Variants in ROR1 observed in about 807,000 individuals in gnomAD.
ROR1 encodes ROR family WNT receptor 1.
A neutral mutation model predicts 78.8 loss-of-function variants in ROR1; 19 were observed. That is an observed-to-expected ratio of 0.24 (90% CI 0.17 to 0.35). The LOEUF is 0.35. ROR1 is among the 10% of genes least tolerant of loss of function. The pLI is 1.00. For synonymous variants in ROR1, 386 were observed against 433.6 expected (o/e 0.89, Z 1.36); for missense variants, 917 against 1,177.8 (o/e 0.78, Z 3.24).
chr1:63,900,806 T>TA (rs891162727), intron 1 of ROR1, among the ~76,000 whole-genome samples: 29 of 152,176 alleles, frequency 1.9e-4, no homozygotes, highest in African/African-American at 3.6e-4. Flanking sequence ...AAATGTAATT[T>TA]AAAAAAAATC....
chr1:63,816,989 G>C (rs907191033), intron 1 of ROR1, among the ~76,000 whole-genome samples: 1 of 152,322 alleles, frequency 6.6e-6, no homozygotes, highest in South Asian at 2.1e-4. Context: ...GATAGGCATC[G>C]TTCCTGACCT....
At chr1:64,130,037 GA>G (rs149014368) in intron 4 of ROR1, among the ~76,000 whole-genome samples, 1 of 152,136 alleles carries the variant, frequency 6.6e-6, no homozygotes, top group Non-Finnish European at 1.5e-5. Context: ...ATTTTTTAAA[GA>G]AAAAAAGGTG....
intron 1 of ROR1, among the ~76,000 whole-genome samples, chr1:63,828,919 T>G (rs1292290143): frequency 6.6e-6 from 1 of 152,354 alleles, no homozygotes; most frequent in South Asian, 2.1e-4. Context: ...TTGTTCAGAT[T>G]ATACCATCTC....
chr1:64,132,516 T>C (rs1648948832), intron 4 of ROR1, among the ~76,000 whole-genome samples: 1 of 151,972 alleles, frequency 6.6e-6, no homozygotes, highest in South Asian at 2.1e-4. Context: ...TCCTAGCACT[T>C]TGGGAAGCCA....
intron 1 of ROR1, among the ~76,000 whole-genome samples, chr1:63,934,709 A>G (rs1446651997): frequency 6.6e-6 from 1 of 152,182 alleles, no homozygotes; most frequent in Non-Finnish European, 1.5e-5. Flanking sequence ...TTAAAAAAGT[A>G]TATTTTACAA....
intron 8 of ROR1, among the ~76,000 whole-genome samples, chr1:64,170,858 A>T (rs769091422): frequency 6.6e-5 from 10 of 152,184 alleles, no homozygotes; most frequent in Admixed American, 3.9e-4. Context: ...TCTTTGCTAA[A>T]ACATAACAAG....
Position 64,163,558 on chromosome 1 carries a change from G to A in ROR1, c.1386+4366G>A, listed in dbSNP as rs536504259. Among the ~76,000 whole-genome samples, 10 of 152,220 alleles carry A rather than the reference G, an allele frequency of 6.6e-5. No homozygotes were observed. In the South Asian group the frequency reaches 1.9e-3, roughly 28 times the overall value. Reference sequence around the variant, plus strand: ...GCTCCTGGCTGATGTAAGGAACATCGCAGGGGAAAGAAAGCAAGACTGGCC... The same window carrying A: ...GCTCCTGGCTGATGTAAGGAACATCACAGGGGAAAGAAAGCAAGACTGGCC... On this transcript the variant is annotated intron_variant, in intron 8 of 8. Coordinates refer to ENST00000371079, the MANE Select transcript of ROR1 (RefSeq NM_005012.4).
intron 1 of ROR1, among the ~76,000 whole-genome samples, chr1:63,828,203 T>G (rs1396382741): frequency 2.0e-5 from 3 of 152,182 alleles, no homozygotes; most frequent in Admixed American, 6.6e-5. Flanking sequence ...GTAATGTGAA[T>G]GCAATTAGTA....
intron 4 of ROR1, among the ~76,000 whole-genome samples, chr1:64,129,883 A>G (rs1472647519): frequency 6.6e-6 from 1 of 152,230 alleles, no homozygotes; most frequent in African/African-American, 2.4e-5. Context: ...GTTTCCAAAC[A>G]TCACTATGAA....
chr1:64,092,093 TTCCCTCCC>T (rs60543147), intron 4 of ROR1, among the ~76,000 whole-genome samples: 1,236 of 118,538 alleles, frequency 0.01, 9 homozygotes, highest in Non-Finnish European at 0.015. Context: ...GATGTAATTC[TTCCCTCCC>T]TCCCTCCCTC....
intron 2 of ROR1, among the ~76,000 whole-genome samples, chr1:64,041,194 A>G (rs950358886): frequency 6.6e-6 from 1 of 152,154 alleles, no homozygotes; most frequent in Non-Finnish European, 1.5e-5. Context: ...AATCCTATGT[A>G]TATATACAGG....
intron 2 of ROR1, among the ~76,000 whole-genome samples, chr1:64,044,400 TCAAA>T (rs1042881574): frequency 2.0e-5 from 3 of 152,170 alleles, no homozygotes; most frequent in East Asian, 3.9e-4. Context: ...GTGAAACTGC[TCAAA>T]CAAATTCAGA....
chr1:63,827,776 G>A (rs949454482), intron 1 of ROR1, among the ~76,000 whole-genome samples: 1 of 152,184 alleles, frequency 6.6e-6, no homozygotes, highest in Non-Finnish European at 1.5e-5. Flanking sequence ...TAAACTGGGT[G>A]AAACTGAACT....
At chr1:63,993,316 G>A (rs887642148) in intron 1 of ROR1, among the ~76,000 whole-genome samples, 10 of 152,162 alleles carry the variant, frequency 6.6e-5, no homozygotes, top group South Asian at 4.1e-4. Flanking sequence ...GAATCTTTGA[G>A]AATTGAACTC....
intron 4 of ROR1, chr1:64,111,251 G>C (rs74645613): frequency 1.1e-4 from 17 of 152,306 alleles, no homozygotes; most frequent in Non-Finnish European, 2.2e-4. Flanking sequence ...GACAGGATTT[G>C]AGGATGCTTC....
At chr1:63,810,906 A>G (rs1340696549) in intron 1 of ROR1, among the ~76,000 whole-genome samples, 1 of 152,188 alleles carries the variant, frequency 6.6e-6, no homozygotes, top group Non-Finnish European at 1.5e-5. Context: ...CAAACGGTAA[A>G]GAAAGACATG....
chr1:64,136,685 AT>A (rs1264717377), intron 4 of ROR1, among the ~76,000 whole-genome samples: 1 of 152,126 alleles, frequency 6.6e-6, no homozygotes, highest in Non-Finnish European at 1.5e-5. Flanking sequence ...AAGTCTTATA[AT>A]TTTGAGGCCG....
intron 1 of ROR1, among the ~76,000 whole-genome samples, chr1:63,907,722 G>T (rs1421271041): frequency 2.0e-5 from 3 of 152,168 alleles, no homozygotes; most frequent in African/African-American, 7.2e-5. Context: ...TTACCAGGAG[G>T]TTACTAGAAC....
At chr1:64,097,094 C>T (rs1354179478) in intron 4 of ROR1, among the ~76,000 whole-genome samples, 3 of 152,128 alleles carry the variant, frequency 2.0e-5, no homozygotes, top group Admixed American at 2.0e-4. Context: ...AACTTGTTGA[C>T]TGTCTTACAG....
Sources: gnomAD v4.1 joint callset for allele counts (sites outside exome capture counted in the v4.1 genomes callset) on GRCh38, gnomAD v4.1.1 for gene constraint, MANE v1.5 for transcripts, NCBI Gene and HGNC (gene_info 2026-07-23, HGNC 2026-07-21) for gene names.